CDH23: variants seen among roughly 807,000 people sequenced by gnomAD.
CDH23 encodes cadherin-23.
In CDH23, 189 loss-of-function variants were observed where a neutral mutation model predicts 317.1. The ratio of observed to expected loss-of-function variants is 0.60; its 90% confidence interval spans 0.53 to 0.67. The LOEUF (loss-of-function observed/expected upper bound fraction) is 0.67. Among genes scored for constraint, CDH23 ranks in the 30% least tolerant of loss-of-function variants. CDH23 has a pLI of 0.00. For synonymous variants in CDH23, 1,839 were observed against 1,876.8 expected, an observed-to-expected ratio of 0.98 and a Z score of 0.52; for missense variants, 4,401 against 4,592.4, an observed-to-expected ratio of 0.96 and a Z score of 1.20.
chr10:71,799,239 A>C lies in CDH23; in HGVS notation c.7183A>C (p.Ile2395Leu), dbSNP rs369150664. The C allele has an allele frequency of 5.0e-6, 8 of 1,613,946 alleles. No individual in the cohort carries two copies. In the African/African-American group the frequency reaches 9.3e-5, roughly 19 times the overall value. The change falls in exon 51 of 70, where the codon ATC becomes CTC. Residue 2395 changes from isoleucine to leucine, a missense_variant. Physicochemically the swap from Ile to Leu is conservative, Grantham distance 5. Coordinates refer to ENST00000224721, the MANE Select transcript of CDH23 (RefSeq NM_022124.6). ...CCCTGTCTACCTGGAAATCGTGGAC[A>C]TCAATGACAACAACCCCATCTTTGA... ...EIPVYLEIVD[I>L]NDNNPIFDQP...
At chr10:71,496,522 T>A (rs970421798) in intron 3 of CDH23, among the ~76,000 whole-genome samples, 45 of 152,100 alleles carry the variant, frequency 3.0e-4, no homozygotes, top group Admixed American at 8.5e-4. Context: ...TTTAGAACTT[T>A]CCAAAGCCCA....
At chr10:71,545,111 A>T (rs914199236) in intron 6 of CDH23, among the ~76,000 whole-genome samples, 1 of 152,220 alleles carries the variant, frequency 6.6e-6, no homozygotes, top group Non-Finnish European at 1.5e-5. Flanking sequence ...GAAGCACCAG[A>T]TGCAATAGCT....
At position 71,697,387 on chromosome 10, in the gene CDH23, G is replaced by A. The variant is rs560732685; in HGVS notation, c.2397+1862G>A. ...GCTGAGGGTACAGGAAGCAACACCA[G>A]GCCAGGTGCAGTGGCTCACGCCTGT... On this transcript the variant is annotated intron_variant, in intron 22 of 69. Transcript: ENST00000224721. Among the ~76,000 whole-genome samples, 34 of 152,346 alleles carry A rather than the reference G, an allele frequency of 2.2e-4. 1 individual carries two copies. The highest frequency in any genetic ancestry group is 1.2e-3 in the Admixed American group (18 of 15,306).
chr10:71,449,217 G>A (rs1163305285), intron 3 of CDH23, among the ~76,000 whole-genome samples: 15 of 152,220 alleles, frequency 9.9e-5, no homozygotes, highest in African/African-American at 2.4e-5. Flanking sequence ...GATAAGCTGG[G>A]TCCAGGGTGG....
intron 48 of CDH23, among the ~76,000 whole-genome samples, 190 bp downstream of exon 48, chr10:71,793,830 C>T (rs1174817431): frequency 2.6e-5 from 4 of 152,148 alleles, no homozygotes; most frequent in South Asian, 2.1e-4. Flanking sequence ...TCTTTCTCTG[C>T]TTCCTCATCC....
Position 71,807,671 on chromosome 10 carries a change from G to C in CDH23, c.8464G>C (p.Asp2822His), listed in dbSNP as rs1305925095. The C allele has an allele frequency of 6.2e-7, 1 of 1,613,812 alleles. No homozygotes were observed. The highest frequency in any genetic ancestry group is 8.5e-7 in the Non-Finnish European group (1 of 1,179,820). Residue 2822 changes from aspartate (D) to histidine (H), a missense_variant, in exon 59 of 70, where the codon GAC becomes CAC. This residue lies in a region of CDH23 where 1,144 missense variants were observed against 1,138.2 expected (regional missense o/e 1.01). Transcript: ENST00000224721. ...TPPRGPSPTL[D>H]LVADLTLQEV... ...TCCCCGTGGACCCTCCCCAACCCTC[G>C]ACCTGGTTGCTGACCTCACACTGCA... is the stretch of plus-strand genomic sequence containing the variant.
At chr10:71,541,817 G>A (rs60657809) in intron 6 of CDH23, among the ~76,000 whole-genome samples, 4 of 152,338 alleles carry the variant, frequency 2.6e-5, no homozygotes, top group African/African-American at 9.6e-5. Flanking sequence ...AAAAGACTGA[G>A]GACAACGTGT....
At chr10:71,666,575 G>A (rs1241123042) in intron 14 of CDH23, among the ~76,000 whole-genome samples, 1 of 152,082 alleles carries the variant, frequency 6.6e-6, no homozygotes, top group Admixed American at 6.5e-5. Flanking sequence ...CTTCTGAGAT[G>A]AGAGGGGAAA....
intron 6 of CDH23, among the ~76,000 whole-genome samples, chr10:71,548,652 A>G (rs76580617): frequency 0.033 from 4,954 of 152,316 alleles, 147 homozygotes; most frequent in East Asian, 0.1. Context: ...AGACAGAGGG[A>G]AAAAGGAAGT....
chr10:71,473,576 G>A (rs1851627879), intron 3 of CDH23, among the ~76,000 whole-genome samples: 1 of 152,184 alleles, frequency 6.6e-6, no homozygotes, highest in Admixed American at 6.5e-5. Flanking sequence ...AGAGGTCCCA[G>A]GGCAAGTTCC....
At chr10:71,765,200 C>A (rs906192585) in intron 38 of CDH23, among the ~76,000 whole-genome samples, 2 of 152,244 alleles carry the variant, frequency 1.3e-5, no homozygotes, top group African/African-American at 4.8e-5. Context: ...GCTTCTGCCC[C>A]TTTCTCCCTT....
chr10:71,488,242 C>T (rs1340015361), intron 3 of CDH23, among the ~76,000 whole-genome samples: 1 of 152,212 alleles, frequency 6.6e-6, no homozygotes, highest in Non-Finnish European at 1.5e-5. Context: ...GGAGGAAAGG[C>T]ATTTACTAAG....
intron 6 of CDH23, among the ~76,000 whole-genome samples, chr10:71,565,182 C>G (rs531806525): frequency 3.3e-5 from 5 of 152,052 alleles, no homozygotes; most frequent in Admixed American, 2.0e-4. Flanking sequence ...AGCTGAGAAC[C>G]TCAGAAAGAT....
intron 41 of CDH23, among the ~76,000 whole-genome samples, chr10:71,781,551 AGCACACACCTGTGCTCCAGCACAGT>A (rs1411713245): frequency 1.3e-5 from 2 of 152,320 alleles, no homozygotes; most frequent in African/African-American, 4.8e-5. Context: ...CAAGGCACAG[AGCACACACCTGTGCTCCAGCACAGT>A]GCAGACCTCC....
intron 1 of CDH23, among the ~76,000 whole-genome samples, chr10:71,407,938 G>T (rs552199369): frequency 6.6e-6 from 1 of 152,248 alleles, no homozygotes; most frequent in East Asian, 1.9e-4. Flanking sequence ...GTGAGTAGGG[G>T]TCTCTCATGA....
intron 6 of CDH23, among the ~76,000 whole-genome samples, chr10:71,547,922 C>T (rs1856373829): frequency 6.6e-6 from 1 of 152,186 alleles, no homozygotes; most frequent in African/African-American, 2.4e-5. Context: ...GCTAAGCAGC[C>T]ACTTGGCGTG....
intron 28 of CDH23, among the ~76,000 whole-genome samples, chr10:71,722,614 A>T (rs1347647661): frequency 6.6e-6 from 1 of 152,246 alleles, no homozygotes; most frequent in Admixed American, 6.5e-5. Flanking sequence ...CAAAGATAGC[A>T]TGTATCAGAG....
At position 71,760,697 on chromosome 10, in the gene CDH23, G is replaced by A. The variant is rs1425098754; in HGVS notation, c.4846-16983G>A. 4.6e-6 allele frequency: 3 copies of A among 652,198 alleles called. No individual in the cohort carries two copies. In the East Asian group the frequency reaches 8.0e-5, roughly 17 times the overall value. 40.4% of individuals were successfully genotyped at this position (652,198 alleles called of 1,614,324 possible). ...AGATGGAAGGAGAGTGGGCTTCTGG[G>A]GATTGCACCAAGGAGGAAGCAGAAG... is the stretch of plus-strand genomic sequence containing the variant. On this transcript the variant is annotated intron_variant, in intron 38 of 69. Transcript: ENST00000224721.
intron 3 of CDH23, among the ~76,000 whole-genome samples, chr10:71,483,931 T>G (rs1401324287): frequency 6.6e-6 from 1 of 152,022 alleles, no homozygotes; most frequent in African/African-American, 2.4e-5. Flanking sequence ...CCCCCTCACA[T>G]GCACATTTTT....
Sources: allele counts gnomAD v4.1 joint callset (sites outside exome capture counted in the v4.1 genomes callset), GRCh38; gene constraint gnomAD v4.1.1; regional missense constraint gnomAD v4.1.1; transcripts MANE v1.5; gene names NCBI Gene and HGNC (gene_info 2026-07-23, HGNC 2026-07-21).